The following TTBK2 variants were observed in gnomAD, a reference collection of about 807,000 sequenced individuals.
The protein encoded by TTBK2 is tau-tubulin kinase 2.
A neutral mutation model predicts 110.8 loss-of-function variants in TTBK2; 28 were observed. That is an observed-to-expected ratio of 0.25 (90% confidence interval 0.19 to 0.35). The LOEUF (loss-of-function observed/expected upper bound fraction) is 0.35, where lower values mean the gene tolerates loss of function less well. Ranked by LOEUF, TTBK2 falls within the 10% of genes least tolerant of loss-of-function variation. The pLI, the probability that TTBK2 is intolerant of heterozygous loss-of-function variation, is 1.00. For synonymous variants in TTBK2, 532 were observed against 527.3 expected, an observed-to-expected ratio of 1.01 and a Z score of -0.12; for missense variants, 1,369 against 1,500.3, an observed-to-expected ratio of 0.91 and a Z score of 1.45.
intron 3 of TTBK2, among the ~76,000 whole-genome samples, chr15:42,843,794 T>C (rs1208390241): frequency 1.3e-5 from 2 of 150,654 alleles, no homozygotes; most frequent in Non-Finnish European, 3.0e-5. Flanking sequence ...ATTTGTAACT[T>C]CTCAATTGCC....
At chr15:42,807,376 T>C (rs1891512072) in intron 9 of TTBK2, among the ~76,000 whole-genome samples, 1 of 152,052 alleles carries the variant, frequency 6.6e-6, no homozygotes. Flanking sequence ...CTAATAAAGA[T>C]ATTTGTGTTA....
intron 13 of TTBK2, among the ~76,000 whole-genome samples, chr15:42,767,485 T>A (rs1595890269): frequency 6.6e-6 from 1 of 152,160 alleles, no homozygotes; most frequent in East Asian, 1.9e-4. Context: ...TATAAACACC[T>A]CTATGCAAAT....
intron 3 of TTBK2, among the ~76,000 whole-genome samples, chr15:42,844,622 A>G (rs1045756237): frequency 2.0e-5 from 3 of 152,246 alleles, no homozygotes; most frequent in Non-Finnish European, 4.4e-5. Context: ...GCCAGTCTCT[A>G]TATCAAGCAT....
chr15:42,835,738 G>GA (rs1310541672), intron 4 of TTBK2, among the ~76,000 whole-genome samples: 1 of 151,612 alleles, frequency 6.6e-6, no homozygotes, highest in Non-Finnish European at 1.5e-5. Context: ...GTTACTTTAA[G>GA]AAAAAAAAGA....
rs1049855675 is a variant in TTBK2, at chr15:42,863,931, T to G, written c.217+8680A>C. Among the ~76,000 whole-genome samples, 4 of 152,064 alleles carry G rather than the reference T, an allele frequency of 2.6e-5. No individual in the cohort carries two copies. The East Asian group carries it at 7.7e-4, about 29-fold the overall frequency. ...TCTTTCACCACATACAAAAATTAAC[T>G]CAAGATGAATTAAAGACTTAAATGT... On this transcript the variant is annotated intron_variant, in intron 3 of 14. Coordinates refer to ENST00000267890, the MANE Select transcript of TTBK2 (RefSeq NM_173500.4).
At chr15:42,779,852 C>T (rs1213044999) in intron 11 of TTBK2, among the ~76,000 whole-genome samples, 1 of 151,878 alleles carries the variant, frequency 6.6e-6, no homozygotes, top group Non-Finnish European at 1.5e-5. Context: ...TGTGGTGGCA[C>T]GTGCCTGTAC....
chr15:42,868,796 G>T (rs1005857305), intron 3 of TTBK2, among the ~76,000 whole-genome samples: 15 of 151,852 alleles, frequency 9.9e-5, no homozygotes, highest in African/African-American at 3.6e-4. Flanking sequence ...ACAGGATCGA[G>T]GCTGCAGTGA....
intron 3 of TTBK2, among the ~76,000 whole-genome samples, chr15:42,853,476 G>A (rs545877184): frequency 1.2e-4 from 18 of 152,124 alleles, no homozygotes; most frequent in African/African-American, 4.3e-4. Context: ...ATGATGGAAA[G>A]GAGAAAAATT....
chr15:42,914,785 TG>T (rs1306649184), intron 1 of TTBK2, among the ~76,000 whole-genome samples: 1 of 152,232 alleles, frequency 6.6e-6, no homozygotes, highest in Non-Finnish European at 1.5e-5. Context: ...CCTCTGACTC[TG>T]GTGAAGTATG....
At position 42,816,085 on chromosome 15, in the gene TTBK2, AATATATATATATATATATATAT is replaced by A. The variant is rs71431870; in HGVS notation, c.603+925_603+946del. On this transcript the variant is annotated intron_variant, in intron 7 of 14. Transcript: ENST00000267890. ...ATATATATATAAAAATAAATAAATA[AATATATATATATATATATATAT>A]ATATATATATATGTGTATATTTTTT... Among the ~76,000 whole-genome samples the A allele has an allele frequency of 1.0e-4, 7 of 67,448 alleles. No homozygotes were observed. The East Asian group carries it at 2.3e-3, about 22-fold the overall frequency. 44.2% of individuals were successfully genotyped at this position (67,448 alleles called of 152,430 possible). A position where few individuals can be genotyped will look rare whatever the true frequency, so the allele number is the denominator to read the frequency against.
intron 3 of TTBK2, among the ~76,000 whole-genome samples, chr15:42,857,712 TC>T (rs1177632496): frequency 1.3e-5 from 2 of 152,108 alleles, no homozygotes; most frequent in Non-Finnish European, 2.9e-5. Context: ...TCTAATACGT[TC>T]TTACATAAAA....
At chr15:42,865,579 T>C (rs945973892) in intron 3 of TTBK2, among the ~76,000 whole-genome samples, 1 of 151,518 alleles carries the variant, frequency 6.6e-6, no homozygotes, top group Non-Finnish European at 1.5e-5. Flanking sequence ...TCCCAGCACT[T>C]TGTGAGGCTG....
chr15:42,904,323 A>G (rs2030246063), intron 1 of TTBK2, among the ~76,000 whole-genome samples: 1 of 152,232 alleles, frequency 6.6e-6, no homozygotes, highest in African/African-American at 2.4e-5. Context: ...TTTTTGTTCT[A>G]GATTATGGAT....
At position 42,878,421 on chromosome 15, in the gene TTBK2, G is replaced by A. The variant is rs905545994; in HGVS notation, c.69+128C>T. 4.4e-5 allele frequency: 67 copies of A among 1,516,670 alleles called. No homozygotes were observed. In the African/African-American group the frequency reaches 8.6e-4, roughly 19 times the overall value. The allele number at this position is 1,516,670 out of a possible 1,614,324, so 94.0% of individuals were successfully genotyped here. A position where few individuals can be genotyped will look rare whatever the true frequency, so the allele number is the denominator to read the frequency against. On this transcript the variant is annotated intron_variant, in intron 2 of 14. Coordinates refer to ENST00000267890, the MANE Select transcript of TTBK2 (RefSeq NM_173500.4). ...GTAAATAACTGCTTTAGGCATATAA[G>A]TAATGTATGTAATATTTCCTAATGA...
At chr15:42,862,191 T>A (rs1312339872) in intron 3 of TTBK2, among the ~76,000 whole-genome samples, 2 of 149,634 alleles carry the variant, frequency 1.3e-5, no homozygotes, top group Non-Finnish European at 3.0e-5. Context: ...TGAAACTATT[T>A]AAAAAAAAAA....
intron 9 of TTBK2, among the ~76,000 whole-genome samples, chr15:42,805,576 A>G (rs1454616847): frequency 6.6e-6 from 1 of 152,204 alleles, no homozygotes; most frequent in Non-Finnish European, 1.5e-5. Flanking sequence ...ATGAAAGGAG[A>G]TAAGGCGTAA....
intron 13 of TTBK2, among the ~76,000 whole-genome samples, chr15:42,757,731 G>T (rs186492158): frequency 6.6e-6 from 1 of 152,146 alleles, no homozygotes; most frequent in Admixed American, 6.5e-5. Context: ...TAAATAATCT[G>T]CCAGTAAGCC....
rs750216427 is a variant in TTBK2 at position 42,752,666 on chromosome 15, G to A, written c.2580C>T (p.Asp860=). The A allele has an allele frequency of 1.2e-6, 2 of 1,614,022 alleles. No homozygotes were observed. The highest frequency in any genetic ancestry group is 1.7e-5 in the Admixed American group (1 of 60,018). Reference sequence around the variant, plus strand: ...GGCCTATCTGACCTTCAACATGTGGGTCAATGTCTCTGGAAGAAATTTCTG... The same window carrying A: ...GGCCTATCTGACCTTCAACATGTGGATCAATGTCTCTGGAAGAAATTTCTG... ...GTSEISSRDI[D]PHVEGQIGQV... The change falls in exon 14 of 15, where the codon GAC becomes GAT. Residue 860 remains aspartate (D), a synonymous_variant. Transcript: ENST00000267890.
chr15:42,883,701 T>C (rs1895138625), intron 1 of TTBK2, among the ~76,000 whole-genome samples: 1 of 151,780 alleles, frequency 6.6e-6, no homozygotes, highest in South Asian at 2.1e-4. Flanking sequence ...GGGACAAACA[T>C]AAAACAAATA....
Sources: allele counts gnomAD v4.1 joint callset (sites outside exome capture counted in the v4.1 genomes callset), GRCh38; gene constraint gnomAD v4.1.1; transcripts MANE v1.5; gene names NCBI Gene and HGNC (gene_info 2026-07-23, HGNC 2026-07-21).